The following DENND1B variants were observed in gnomAD, a reference collection of about 807,000 sequenced individuals.
DENND1B encodes the protein DENN domain-containing protein 1B.
DENND1B carries 59 observed loss-of-function variants against 90.1 expected under a neutral mutation model. The observed-to-expected ratio is 0.65, with a 90% confidence interval of 0.53 to 0.81. DENND1B has a LOEUF of 0.81. DENND1B is among the 40% of genes least tolerant of loss of function. The pLI is 0.00. For synonymous variants in DENND1B, 337 were observed against 324.6 expected, an observed-to-expected ratio of 1.04 and a Z score of -0.41; for missense variants, 862 against 912.6, an observed-to-expected ratio of 0.94 and a Z score of 0.71.
chr1:197,635,662 A>C (rs1041169333), intron 10 of DENND1B, among the ~76,000 whole-genome samples: 2 of 152,130 alleles, frequency 1.3e-5, no homozygotes, highest in African/African-American at 4.8e-5. Flanking sequence ...AAAGAGATCG[A>C]TATCTAATAC....
chr1:197,616,895 T>C (rs936558355), intron 11 of DENND1B, among the ~76,000 whole-genome samples: 5 of 151,064 alleles, frequency 3.3e-5, no homozygotes, highest in African/African-American at 4.8e-5. Flanking sequence ...AAGATGATTA[T>C]GCAATGAAGA....
At chr1:197,597,589 A>T (rs1251070353) in intron 13 of DENND1B, among the ~76,000 whole-genome samples, 1 of 151,892 alleles carries the variant, frequency 6.6e-6, no homozygotes, top group Non-Finnish European at 1.5e-5. Flanking sequence ...GAATACAGGC[A>T]AGTCAAGCCA....
chr1:197,631,004 C>T (rs543493796), intron 10 of DENND1B, among the ~76,000 whole-genome samples: 10 of 152,244 alleles, frequency 6.6e-5, no homozygotes, highest in East Asian at 5.8e-4. Context: ...AATACATCTC[C>T]TCACCTACAT....
rs1232632859 is a variant in DENND1B, at chr1:197,511,653, G to A, written c.1815+75C>T. Reference sequence around the variant, plus strand: ...GGTTAAATGCTTCTACCAACAAAGAGTATAAGATCCAGTAATCACAGCCAA... The same window carrying A: ...GGTTAAATGCTTCTACCAACAAAGAATATAAGATCCAGTAATCACAGCCAA... On this transcript the variant is annotated intron_variant, in intron 22 of 22. Transcript: ENST00000620048. 52 of 1,218,788 alleles carry A rather than the reference G, an allele frequency of 4.3e-5. No homozygotes were observed. In the South Asian group the frequency reaches 8.8e-4, roughly 21 times the overall value. The allele number at this position is 1,218,788 out of a possible 1,614,324, so 75.5% of individuals were successfully genotyped here.
intron 10 of DENND1B, among the ~76,000 whole-genome samples, chr1:197,619,470 A>C (rs1677952018): frequency 6.6e-6 from 1 of 151,196 alleles, no homozygotes; most frequent in African/African-American, 2.4e-5. Context: ...TAATTATTCA[A>C]TTTCTCAATC....
intron 15 of DENND1B, among the ~76,000 whole-genome samples, chr1:197,571,880 G>T (rs1673187726): frequency 6.6e-6 from 1 of 152,138 alleles, no homozygotes; most frequent in Non-Finnish European, 1.5e-5. Flanking sequence ...ATTAAAAAGA[G>T]AAATTACAAT....
chr1:197,709,754 A>G (rs1411855554), intron 3 of DENND1B, among the ~76,000 whole-genome samples: 1 of 114,096 alleles, frequency 8.8e-6, no homozygotes, highest in Non-Finnish European at 1.8e-5. Context: ...TAAATGGACT[A>G]AATTCTGCAA....
intron 10 of DENND1B, among the ~76,000 whole-genome samples, chr1:197,631,828 T>C (rs919607035): frequency 6.6e-6 from 1 of 152,108 alleles, no homozygotes; most frequent in South Asian, 2.1e-4. Context: ...AATATCTGTA[T>C]GTATATGTGT....
intron 6 of DENND1B, among the ~76,000 whole-genome samples, chr1:197,658,038 A>T (rs1200856532): frequency 6.6e-6 from 1 of 152,194 alleles, no homozygotes. Flanking sequence ...TATGAGATAC[A>T]TAGACTATTC....
rs1278268311 is a variant in DENND1B, at chr1:197,696,168, G to A, written c.126+18863C>T. ...TTTAATGTCAGCTAAGTAGCTGGCT[G>A]CCTGCCATTCATTCCTATGAAGATG... is the stretch of plus-strand genomic sequence containing the variant. On this transcript the variant is annotated intron_variant, in intron 3 of 22. Transcript: ENST00000620048. Among the ~76,000 whole-genome samples the A allele has an allele frequency of 2.2e-4, 34 of 151,280 alleles. 1 individual carries two copies. Among genetic ancestry groups the A allele is most frequent in the Admixed American group, 2.2e-3 (34 of 15,156 alleles).
intron 16 of DENND1B, among the ~76,000 whole-genome samples, chr1:197,551,924 T>G (rs1328328103): frequency 6.6e-6 from 1 of 152,112 alleles, no homozygotes; most frequent in Non-Finnish European, 1.5e-5. Context: ...CAAACTAACT[T>G]TTCCCCAAGC....
At chr1:197,527,428 ATGCATCACTATGCC>A (rs950196888) in intron 20 of DENND1B, among the ~76,000 whole-genome samples, 23 of 151,208 alleles carry the variant, frequency 1.5e-4, no homozygotes, top group Non-Finnish European at 2.2e-4. Context: ...GATTATAGGC[ATGCATCACTATGCC>A]TGGCTAATTT....
At chr1:197,770,590 T>G (rs921564703) in intron 2 of DENND1B, among the ~76,000 whole-genome samples, 3 of 145,404 alleles carry the variant, frequency 2.1e-5, no homozygotes, top group African/African-American at 5.0e-5. Flanking sequence ...AATTAGCCTG[T>G]TGTGTGTGTG....
Position 197,595,241 on chromosome 1 carries a change from A to G in DENND1B, c.1014T>C (p.Phe338=), listed in dbSNP as rs773713749. The G allele has an allele frequency of 3.1e-6, 5 of 1,613,388 alleles. No homozygotes were observed. The South Asian group carries it at 5.5e-5, about 18-fold the overall frequency. The part of the protein sequence containing the change: ...RAFLRAQAAL[F]GSYRDALRYK... ...ATCTCAGTGCATCTCTGTAGGATCC[A>G]AACAAAGCAGCCTGTGCTCTAAGAA... Residue 338 remains phenylalanine, a synonymous_variant, in exon 14 of 23, where the codon TTT becomes TTC. Coordinates refer to ENST00000620048, the MANE Select transcript of DENND1B (RefSeq NM_001195215.2).
intron 12 of DENND1B, 139 bp downstream of exon 12, chr1:197,611,791 TA>T: frequency 1.5e-6 from 1 of 647,336 alleles, no homozygotes; most frequent in South Asian, 2.3e-5. Flanking sequence ...GTTGTCTTTT[TA>T]AAAATGATAA....
At chr1:197,562,341 C>T (rs1178224131) in intron 15 of DENND1B, among the ~76,000 whole-genome samples, 1 of 151,856 alleles carries the variant, frequency 6.6e-6, no homozygotes, top group Non-Finnish European at 1.5e-5. Flanking sequence ...TTTGTGGCAA[C>T]CCTCCATTGA....
intron 7 of DENND1B, among the ~76,000 whole-genome samples, chr1:197,647,524 A>C (rs1478595291): frequency 6.6e-6 from 1 of 152,222 alleles, no homozygotes; most frequent in Non-Finnish European, 1.5e-5. Flanking sequence ...TAAGTGTCCT[A>C]GTCCCAAATT....
At chr1:197,565,481 T>C (rs981596148) in intron 15 of DENND1B, among the ~76,000 whole-genome samples, 1 of 151,856 alleles carries the variant, frequency 6.6e-6, no homozygotes, top group African/African-American at 2.4e-5. Context: ...CTTTCTTTTT[T>C]TTTTCTTTTA....
intron 10 of DENND1B, among the ~76,000 whole-genome samples, chr1:197,633,372 G>C (rs1247424628): frequency 6.6e-6 from 1 of 152,154 alleles, no homozygotes; most frequent in Non-Finnish European, 1.5e-5. Context: ...CTCACTGCCT[G>C]ATCTGTGAAA....
Sources: allele counts gnomAD v4.1 joint callset (sites outside exome capture counted in the v4.1 genomes callset), GRCh38; gene constraint gnomAD v4.1.1; transcripts MANE v1.5; gene names NCBI Gene and HGNC (gene_info 2026-07-23, HGNC 2026-07-21).